The following TXNDC16 variants were observed in gnomAD, a reference collection of about 807,000 sequenced individuals.
TXNDC16 encodes the protein thioredoxin domain containing 16, also known as thioredoxin domain-containing protein 16.
A neutral mutation model predicts 85.6 loss-of-function variants in TXNDC16; 74 were observed. The ratio of observed to expected loss-of-function variants is 0.86; its 90% CI spans 0.72 to 1.05. The LOEUF (loss-of-function observed/expected upper bound fraction) is 1.05. Among genes scored for constraint, TXNDC16 ranks in the 50% least tolerant of loss-of-function variants. TXNDC16 has a pLI of 0.00. For missense variants in TXNDC16, 959 were observed against 947.0 expected, an observed-to-expected ratio of 1.01 and a Z score of -0.17; for synonymous variants, 335 against 326.5, an observed-to-expected ratio of 1.03 and a Z score of -0.28.
intron 8 of TXNDC16, among the ~76,000 whole-genome samples, chr14:52,511,856 C>T (rs563623213): frequency 1.3e-5 from 2 of 152,144 alleles, no homozygotes; most frequent in African/African-American, 2.4e-5. Flanking sequence ...AAATAGAAAC[C>T]ATGTGACAGT....
intron 9 of TXNDC16, among the ~76,000 whole-genome samples, chr14:52,497,894 A>C (rs893504561): frequency 1.3e-5 from 2 of 151,844 alleles, no homozygotes; most frequent in East Asian, 3.9e-4. Context: ...AAAAAAAAAA[A>C]AAAAAACCTA....
At chr14:52,439,575 T>G (rs1196551615) in intron 19 of TXNDC16, among the ~76,000 whole-genome samples, 181 bp from the exon 20 acceptor site, 1 of 152,212 alleles carries the variant, frequency 6.6e-6, no homozygotes, top group African/African-American at 2.4e-5. Context: ...CTTTTAAAGT[T>G]TCTTTTTAAC....
Position 52,490,831 on chromosome 14 carries a change from T to C in TXNDC16, c.923+8A>G. ...CTAAATATAGTAAATATTCGATGTTTAAGATACCTTAACAAGAGTAGAACT... is the reference window on the plus strand; with the variant it reads ...CTAAATATAGTAAATATTCGATGTTCAAGATACCTTAACAAGAGTAGAACT... On this transcript the variant is annotated splice_region_variant and intron_variant, in intron 10 of 20. Coordinates refer to ENST00000281741, the MANE Select transcript of TXNDC16 (RefSeq NM_020784.3). 1 of 1,602,626 alleles carries C rather than the reference T, an allele frequency of 6.2e-7. No individual in the cohort carries two copies. The highest frequency in any genetic ancestry group is 1.1e-5 in the South Asian group (1 of 87,858).
chr14:52,491,120 C>T, intron 9 of TXNDC16, 115 bp from the exon 10 acceptor site: 1 of 1,151,110 alleles, frequency 8.7e-7, no homozygotes, highest in Non-Finnish European at 1.2e-6. Context: ...TAAAATAATC[C>T]AACACTAACA....
At chr14:52,508,424 T>C (rs1384980425) in intron 9 of TXNDC16, among the ~76,000 whole-genome samples, 1 of 152,088 alleles carries the variant, frequency 6.6e-6, no homozygotes, top group Non-Finnish European at 1.5e-5. Context: ...CAACAGGCGC[T>C]GGAGGGGATG....
At chr14:52,475,074 G>C (rs111579609) in intron 14 of TXNDC16, among the ~76,000 whole-genome samples, 1 of 152,174 alleles carries the variant, frequency 6.6e-6, no homozygotes, top group Non-Finnish European at 1.5e-5. Flanking sequence ...TAGATTACGG[G>C]AGAAGATTCT....
At chr14:52,442,278 T>C (rs903106265) in intron 18 of TXNDC16, among the ~76,000 whole-genome samples, 1 of 152,192 alleles carries the variant, frequency 6.6e-6, no homozygotes, top group Non-Finnish European at 1.5e-5. Context: ...GAGCTAGATA[T>C]ATCATCCTGT....
intron 9 of TXNDC16, among the ~76,000 whole-genome samples, chr14:52,492,945 T>A (rs1323213137): frequency 6.6e-6 from 1 of 152,050 alleles, no homozygotes; most frequent in East Asian, 1.9e-4. Flanking sequence ...TTTGTTTTGT[T>A]TTCTCATCAT....
Position 52,490,969 on chromosome 14 carries a change from C to G in TXNDC16, c.793G>C (p.Val265Leu). The change falls in exon 10 of 21, where the codon GTC becomes CTC. Residue 265 changes from valine to leucine, a missense_variant. Transcript: ENST00000281741. ...AGTGGTAAGCCCAGTTGGAGATGGA[C>G]AGTTGAAACTTGTTGAGGATCTTCA... The part of the protein sequence containing the change: ...VAEDPQQVST[V>L]HLQLGLPLVF... The G allele has an allele frequency of 6.4e-7, 1 of 1,554,636 alleles. No homozygotes were observed. The highest frequency in any genetic ancestry group is 1.5e-5 in the African/African-American group (1 of 65,876).
At chr14:52,493,215 A>ATATAT (rs761008122) in intron 9 of TXNDC16, among the ~76,000 whole-genome samples, 1 of 120,960 alleles carries the variant, frequency 8.3e-6, no homozygotes, top group African/African-American at 3.0e-5. Context: ...ATATATATAT[A>ATATAT]TACACACACA....
chr14:52,513,624 T>C (rs2037007660), intron 8 of TXNDC16, among the ~76,000 whole-genome samples: 1 of 151,634 alleles, frequency 6.6e-6, no homozygotes, highest in Non-Finnish European at 1.5e-5. Flanking sequence ...CATGCCTTAG[T>C]CTTAGATCAG....
At chr14:52,454,823 G>A (rs7155758) in intron 18 of TXNDC16, among the ~76,000 whole-genome samples, 77,341 of 151,866 alleles carry the variant, frequency 0.51, 20,655 homozygotes, top group East Asian at 0.7. Flanking sequence ...ACCCATATAA[G>A]TAATAAGAAT....
chr14:52,522,502 G>T (rs1201743768), intron 6 of TXNDC16, among the ~76,000 whole-genome samples: 1 of 152,160 alleles, frequency 6.6e-6, no homozygotes, highest in Non-Finnish European at 1.5e-5. Flanking sequence ...TCTGAAGCAG[G>T]GGCAGGCGAT....
chr14:52,494,742 T>C (rs185782050), intron 9 of TXNDC16, among the ~76,000 whole-genome samples: 1 of 152,376 alleles, frequency 6.6e-6, no homozygotes, highest in Admixed American at 6.5e-5. Flanking sequence ...CATGATCACA[T>C]ATATATTTTT....
intron 20 of TXNDC16, among the ~76,000 whole-genome samples, chr14:52,437,560 C>T (rs1266365967): frequency 6.6e-6 from 1 of 151,886 alleles, no homozygotes; most frequent in South Asian, 2.1e-4. Context: ...AATGGGATCA[C>T]ATCAAGTTAA....
chr14:52,520,295 A>G (rs1257038507), intron 6 of TXNDC16, among the ~76,000 whole-genome samples: 1 of 152,070 alleles, frequency 6.6e-6, no homozygotes, highest in East Asian at 1.9e-4. Flanking sequence ...CAGACTGATC[A>G]TATTTATTCA....
In TXNDC16 at chr14:52,432,533, C is replaced by T; in HGVS notation, c.2249G>A (p.Ser750Asn). 6.2e-7 allele frequency: 1 copy of T among 1,613,004 alleles called. No homozygotes were observed. Among genetic ancestry groups the T allele is most frequent in the Non-Finnish European group, 8.5e-7 (1 of 1,179,668 alleles). The change falls in exon 21 of 21, where the codon AGT becomes AAT. Residue 750 changes from serine to asparagine, a missense_variant. Transcript: ENST00000281741. ...TTGAGATGTTGCGGCATCTATCATA[C>T]TTAGAAAATCATAAGCTGGAAGAGG... ...KPPLPAYDFL[S>N]MIDAATSQRG... is the part of the protein sequence containing the mutation.
In TXNDC16 at chr14:52,432,590, G is replaced by A. The variant is rs1487784399; in HGVS notation, c.2195-3C>T. ...CCATTCTTGAGCAGGTAAAATTGCTGGAAGGAAGAAACAATCAAAGGTTAA... is the reference window on the plus strand; with the variant it reads ...CCATTCTTGAGCAGGTAAAATTGCTAGAAGGAAGAAACAATCAAAGGTTAA... On this transcript the variant is annotated splice_polypyrimidine_tract_variant and splice_region_variant and intron_variant, in intron 20 of 20. Transcript: ENST00000281741. 31 of 1,592,860 alleles carry A rather than the reference G, an allele frequency of 1.9e-5. No homozygotes were observed. The highest frequency in any genetic ancestry group is 2.5e-5 in the Non-Finnish European group (29 of 1,170,922).
intron 8 of TXNDC16, among the ~76,000 whole-genome samples, chr14:52,512,059 A>T (rs1017470482): frequency 1.3e-5 from 2 of 152,200 alleles, no homozygotes; most frequent in Admixed American, 1.3e-4. Flanking sequence ...AAATACTACA[A>T]AATTTTATTT....
Sources: allele counts gnomAD v4.1 joint callset (sites outside exome capture counted in the v4.1 genomes callset), GRCh38; gene constraint gnomAD v4.1.1; transcripts MANE v1.5; gene names NCBI Gene and HGNC (gene_info 2026-07-23, HGNC 2026-07-21).